The following ACOT11 variants were observed in gnomAD, a reference collection of about 807,000 sequenced individuals.
The protein encoded by ACOT11 is acyl-coenzyme A thioesterase 11.
In ACOT11, 69 loss-of-function variants were observed where a neutral mutation model predicts 77.5. The observed-to-expected ratio is 0.89, with a 90% CI of 0.73 to 1.09. The LOEUF (loss-of-function observed/expected upper bound fraction) is 1.09, where lower values mean the gene tolerates loss of function less well. Among genes scored for constraint, ACOT11 ranks in the 50% least tolerant of loss-of-function variants. The pLI, the probability that ACOT11 is intolerant of heterozygous loss-of-function variation, is 0.00. For synonymous variants in ACOT11, 279 were observed against 313.0 expected, an observed-to-expected ratio of 0.89 and a Z score of 1.15; for missense variants, 766 against 813.7, an observed-to-expected ratio of 0.94 and a Z score of 0.71.
At chr1:54,617,317 T>C (rs929680254) in intron 15 of ACOT11, among the ~76,000 whole-genome samples, 1 of 152,152 alleles carries the variant, frequency 6.6e-6, no homozygotes, top group African/African-American at 2.4e-5. Context: ...AAACGACTGA[T>C]GCCAGAAGGG....
rs144162772 is a variant in ACOT11 at position 54,588,906 on chromosome 1, A to C, written c.311+3002A>C. Reference sequence around the variant, plus strand: ...GGGGCCTGGAGCATGGTTGGTGGCCAGGGAAGGCCTGGACACACCTGAGGA... The same window carrying C: ...GGGGCCTGGAGCATGGTTGGTGGCCCGGGAAGGCCTGGACACACCTGAGGA... On this transcript the variant is annotated intron_variant, in intron 3 of 15. Coordinates refer to ENST00000343744, the MANE Select transcript of ACOT11 (RefSeq NM_147161.4). Among the ~76,000 whole-genome samples, 4 of 152,312 alleles carry C rather than the reference A, an allele frequency of 2.6e-5. No homozygotes were observed. The East Asian group carries it at 7.7e-4, about 29-fold the overall frequency.
At position 54,586,848 on chromosome 1, in the gene ACOT11, G is replaced by C. The variant is rs534957412; in HGVS notation, c.311+944G>C. 1.3e-3 allele frequency among the ~76,000 whole-genome samples: 196 copies of C among 152,254 alleles called. 1 individual carries two copies. Among genetic ancestry groups the C allele is most frequent in the Non-Finnish European group, 1.9e-3 (130 of 68,016 alleles). ...CATAGATCCTGCTTCTGGGATCCAA[G>C]GAGCAGGCTGAGCCCTCAGCCCAGG... On this transcript the variant is annotated intron_variant, in intron 3 of 15. Transcript: ENST00000343744.
At chr1:54,605,963 T>G (rs1434388715) in intron 13 of ACOT11, among the ~76,000 whole-genome samples, 1 of 152,202 alleles carries the variant, frequency 6.6e-6, no homozygotes, top group African/African-American at 2.4e-5. Context: ...CTGGAGAATT[T>G]CCGTAAGGAG....
chr1:54,605,071 T>C lies in ACOT11; in HGVS notation c.1237-5T>C. On this transcript the variant is annotated splice_region_variant and splice_polypyrimidine_tract_variant and intron_variant, in intron 12 of 15. Coordinates refer to ENST00000343744, the MANE Select transcript of ACOT11 (RefSeq NM_147161.4). ...GCAAATGAGGCTGCCCTCTATCCCATGCAGGTCCGCCTGTACACTCTGGAG... is the reference window on the plus strand; with the variant it reads ...GCAAATGAGGCTGCCCTCTATCCCACGCAGGTCCGCCTGTACACTCTGGAG... 1 of 1,612,248 alleles carries C rather than the reference T, an allele frequency of 6.2e-7. No homozygotes were observed. The highest frequency in any genetic ancestry group is 8.5e-7 in the Non-Finnish European group (1 of 1,179,372).
chr1:54,635,577 T>C, exon 17 of ACOT11: 2 of 212,702 alleles, frequency 9.4e-6, no homozygotes, highest in Non-Finnish European at 1.8e-5. Flanking sequence ...CCGGGCAACC[T>C]GACCTTAATG....
intron 1 of ACOT11, among the ~76,000 whole-genome samples, chr1:54,554,743 G>C (rs1286357420): frequency 2.6e-5 from 4 of 152,118 alleles, no homozygotes; most frequent in Admixed American, 1.3e-4. Flanking sequence ...AAACACGGGA[G>C]TAGAGGTATC....
chr1:54,632,265 C>T (rs1209378809), intron 16 of ACOT11, among the ~76,000 whole-genome samples: 1 of 152,222 alleles, frequency 6.6e-6, no homozygotes, highest in South Asian at 2.1e-4. Context: ...TGGCTCAGGC[C>T]ATTCCCTCAC....
At chr1:54,548,793 G>A (rs1172406919) in intron 1 of ACOT11, among the ~76,000 whole-genome samples, 5 of 152,110 alleles carry the variant, frequency 3.3e-5, no homozygotes, top group African/African-American at 4.8e-5. Context: ...GGGTGAGGTC[G>A]GCGTTCTTGG....
chr1:54,614,046 T>A (rs867957553), downstream of ACOT11, among the ~76,000 whole-genome samples: 9 of 152,334 alleles, frequency 5.9e-5, no homozygotes, highest in Admixed American at 1.3e-4. Context: ...TTAAAACAGT[T>A]CTGGGACACA....
chr1:54,617,748 A>T (rs1308939544), intron 15 of ACOT11, among the ~76,000 whole-genome samples: 3 of 60,946 alleles, frequency 4.9e-5, no homozygotes, highest in East Asian at 4.4e-4. Flanking sequence ...TTTTTTTATG[A>T]AGTCTCGCTC....
At chr1:54,630,929 G>A (rs1282959261) in intron 16 of ACOT11, 1 of 664,324 alleles carries the variant, frequency 1.5e-6, no homozygotes, top group Non-Finnish European at 2.8e-6. Context: ...GTAACAATGG[G>A]ATGGGTATGG....
intron 1 of ACOT11, among the ~76,000 whole-genome samples, chr1:54,563,227 T>A (rs1653614708): frequency 6.6e-6 from 1 of 152,238 alleles, no homozygotes; most frequent in African/African-American, 2.4e-5. Flanking sequence ...CCTCAAGTGA[T>A]CCTTCTGCCT....
chr1:54,551,591 G>T (rs1015464556), intron 1 of ACOT11, among the ~76,000 whole-genome samples: 1 of 152,128 alleles, frequency 6.6e-6, no homozygotes, highest in Non-Finnish European at 1.5e-5. Flanking sequence ...GGTGGGCAAG[G>T]GTCCTGGGAA....
At chr1:54,618,172 T>C (rs1391407030) in intron 15 of ACOT11, among the ~76,000 whole-genome samples, 1 of 152,132 alleles carries the variant, frequency 6.6e-6, no homozygotes, top group African/African-American at 2.4e-5. Context: ...AACTTTACTA[T>C]GGCACCTCCT....
At chr1:54,555,044 C>T (rs1055087326) in intron 1 of ACOT11, among the ~76,000 whole-genome samples, 19 of 152,132 alleles carry the variant, frequency 1.2e-4, no homozygotes, top group South Asian at 2.1e-4. Context: ...CTGCAACCTC[C>T]GCCTCCCGGG....
intron 1 of ACOT11, among the ~76,000 whole-genome samples, chr1:54,551,705 TTTTTG>T (rs1557642843): frequency 6.6e-6 from 1 of 151,754 alleles, no homozygotes; most frequent in East Asian, 1.9e-4. Flanking sequence ...GGGCTGGCTG[TTTTTG>T]TTTTGTTTTT....
intron 16 of ACOT11, among the ~76,000 whole-genome samples, chr1:54,634,119 T>C (rs1457995449): frequency 1.3e-5 from 2 of 152,192 alleles, no homozygotes. Context: ...AAAATTACTG[T>C]CCCTCTCACA....
At chr1:54,561,681 G>A (rs1569650542) in intron 1 of ACOT11, among the ~76,000 whole-genome samples, 13 of 132,488 alleles carry the variant, frequency 9.8e-5, no homozygotes, top group South Asian at 2.5e-4. Flanking sequence ...AGGGGCGGCC[G>A]GGCAGAGGCG....
chr1:54,611,585 C>T (rs575890922), downstream of ACOT11: 2 of 1,613,020 alleles, frequency 1.2e-6, no homozygotes, highest in Admixed American at 3.3e-5. Context: ...CCACACCACC[C>T]TTCCCAATTC....
Sources: allele counts gnomAD v4.1 joint callset (sites outside exome capture counted in the v4.1 genomes callset), GRCh38; gene constraint gnomAD v4.1.1; transcripts MANE v1.5; gene names NCBI Gene and HGNC (gene_info 2026-07-23, HGNC 2026-07-21).